Variants in PRKN observed in about 807,000 individuals in gnomAD.
PRKN encodes E3 ubiquitin-protein ligase parkin.
In PRKN, 56 loss-of-function variants were observed where a neutral mutation model predicts 59.5. That is an observed-to-expected ratio of 0.94 (90% CI 0.76 to 1.18). PRKN has a LOEUF of 1.18. Ranked by LOEUF, PRKN falls within the 50% of genes most tolerant of loss-of-function variation. The probability of loss-of-function intolerance (pLI) is 0.00; values close to 1 mark genes in which losing one functional copy is unlikely to be tolerated. For synonymous variants in PRKN, 250 were observed against 222.1 expected (o/e 1.13, Z -1.12); for missense variants, 657 against 596.4 (o/e 1.10, Z -1.06).
At chr6:161,693,026 T>C (rs919818418) in intron 7 of PRKN, among the ~76,000 whole-genome samples, 1 of 152,056 alleles carries the variant, frequency 6.6e-6, no homozygotes, top group African/African-American at 2.4e-5. Flanking sequence ...CCTGGTAATT[T>C]TGGGTTCTTG....
chr6:161,698,124 G>A (rs1373670077), intron 7 of PRKN, among the ~76,000 whole-genome samples: 6 of 152,100 alleles, frequency 3.9e-5, no homozygotes, highest in Middle Eastern at 6.8e-3. Flanking sequence ...TTGAAGGAGT[G>A]AATCAATTAA....
chr6:162,274,286 C>G (rs1004945403), intron 2 of PRKN, among the ~76,000 whole-genome samples: 2 of 151,960 alleles, frequency 1.3e-5, no homozygotes, highest in Non-Finnish European at 2.9e-5. Flanking sequence ...TTCCAGGGCT[C>G]AGGGGATTCC....
At chr6:162,590,769 G>C (rs991370426) in intron 1 of PRKN, among the ~76,000 whole-genome samples, 1 of 152,034 alleles carries the variant, frequency 6.6e-6, no homozygotes, top group Non-Finnish European at 1.5e-5. Context: ...GTGAATTGGT[G>C]AAAAAACAAA....
At chr6:161,882,381 G>A (rs1458196076) in intron 6 of PRKN, among the ~76,000 whole-genome samples, 1 of 152,156 alleles carries the variant, frequency 6.6e-6, no homozygotes, top group Non-Finnish European at 1.5e-5. Context: ...CAGGTGGTGC[G>A]GCCCTCCAGG....
At chr6:161,797,276 G>A (rs1198321541) in intron 6 of PRKN, among the ~76,000 whole-genome samples, 1 of 151,924 alleles carries the variant, frequency 6.6e-6, no homozygotes, top group East Asian at 1.9e-4. Context: ...TTTTGAGACA[G>A]AGTCTCACTC....
intron 3 of PRKN, among the ~76,000 whole-genome samples, chr6:162,248,249 G>A (rs1190473155): frequency 2.0e-5 from 3 of 152,154 alleles, no homozygotes; most frequent in African/African-American, 4.8e-5. Flanking sequence ...GAAGACCAAG[G>A]AGAGTCATCA....
At chr6:162,290,204 G>A (rs1349273707) in intron 2 of PRKN, among the ~76,000 whole-genome samples, 2 of 152,052 alleles carry the variant, frequency 1.3e-5, no homozygotes, top group Non-Finnish European at 2.9e-5. Flanking sequence ...TTGCATGCAG[G>A]GATTGTACAC....
Position 162,546,124 on chromosome 6 carries a change from G to A in PRKN, c.8-102651C>T, listed in dbSNP as rs1417767150. On this transcript the variant is annotated intron_variant, in intron 1 of 11. Coordinates refer to ENST00000366898, the MANE Select transcript of PRKN (RefSeq NM_004562.3). ...AGTTTTTTTTTTTTTTTTTTTTTGA[G>A]ACAGAGTCTCACTCTGTTGCTCAGG... Among the ~76,000 whole-genome samples, 7 of 89,938 alleles carry A rather than the reference G, an allele frequency of 7.8e-5. 1 individual carries two copies. The highest frequency in any genetic ancestry group is 6.9e-4 in the South Asian group (2 of 2,896). The allele number at this position is 89,938 out of a possible 152,430, so 59.0% of individuals were successfully genotyped here. A position where few individuals can be genotyped will look rare whatever the true frequency, so the allele number is the denominator to read the frequency against.
chr6:162,566,769 T>C (rs547248839), intron 1 of PRKN, among the ~76,000 whole-genome samples: 3 of 152,132 alleles, frequency 2.0e-5, no homozygotes, highest in East Asian at 3.9e-4. Context: ...AGGGAATACT[T>C]CCAAACTTGT....
chr6:162,014,362 C>G (rs956402163), intron 5 of PRKN, among the ~76,000 whole-genome samples: 1 of 152,150 alleles, frequency 6.6e-6, no homozygotes. Context: ...CTGCTACATA[C>G]CTAGGTCTCT....
At chr6:162,579,527 A>C (rs1780698525) in intron 1 of PRKN, among the ~76,000 whole-genome samples, 1 of 151,510 alleles carries the variant, frequency 6.6e-6, no homozygotes, top group African/African-American at 2.4e-5. Context: ...ATTCACACAG[A>C]TTCTCATACA....
chr6:161,691,077 C>CCATCCAT, intron 7 of PRKN, among the ~76,000 whole-genome samples: 1 of 56,576 alleles, frequency 1.8e-5, no homozygotes, highest in Non-Finnish European at 4.1e-5. Flanking sequence ...CATCCATCCA[C>CCATCCAT]CCACCCCTAT....
chr6:161,798,741 C>CA (rs1478273514), intron 6 of PRKN, among the ~76,000 whole-genome samples: 1 of 152,174 alleles, frequency 6.6e-6, no homozygotes, highest in Non-Finnish European at 1.5e-5. Flanking sequence ...AAAAAGGCCA[C>CA]AAAATATTAC....
intron 1 of PRKN, among the ~76,000 whole-genome samples, chr6:162,468,175 C>T (rs1291737045): frequency 6.6e-6 from 1 of 152,158 alleles, no homozygotes; most frequent in African/African-American, 2.4e-5. Flanking sequence ...ATGGAAATTG[C>T]TCCATATATA....
At chr6:162,257,741 C>T (rs925160740) in intron 3 of PRKN, among the ~76,000 whole-genome samples, 1 of 152,102 alleles carries the variant, frequency 6.6e-6, no homozygotes, top group Non-Finnish European at 1.5e-5. Flanking sequence ...ATGGCCCGTT[C>T]GCGATGTTCT....
chr6:162,304,985 C>T (rs1782157413), intron 2 of PRKN, among the ~76,000 whole-genome samples: 1 of 152,172 alleles, frequency 6.6e-6, no homozygotes, highest in Admixed American at 6.5e-5. Context: ...CTATAGGTCA[C>T]ATTCAGCTGC....
At chr6:162,143,090 T>C (rs1354288068) in intron 4 of PRKN, among the ~76,000 whole-genome samples, 1 of 152,230 alleles carries the variant, frequency 6.6e-6, no homozygotes, top group Non-Finnish European at 1.5e-5. Context: ...ACTGAACACC[T>C]TGGCAGAGGC....
intron 2 of PRKN, among the ~76,000 whole-genome samples, chr6:162,359,151 A>T (rs1031926960): frequency 6.7e-6 from 1 of 149,942 alleles, no homozygotes; most frequent in Non-Finnish European, 1.5e-5. Context: ...ATCTCTCCCA[A>T]TTCCCCAGCC....
chr6:162,464,224 C>T (rs991913863), intron 1 of PRKN, among the ~76,000 whole-genome samples: 1 of 152,000 alleles, frequency 6.6e-6, no homozygotes, highest in African/African-American at 2.4e-5. Context: ...TTTTTTTACA[C>T]TTAGGTCTTT....
Sources: gnomAD v4.1 joint callset for allele counts (sites outside exome capture counted in the v4.1 genomes callset) on GRCh38, gnomAD v4.1.1 for gene constraint, MANE v1.5 for transcripts, NCBI Gene and HGNC (gene_info 2026-07-23, HGNC 2026-07-21) for gene names.